Variants in SPATA6L observed in about 807,000 individuals in gnomAD.
SPATA6L encodes spermatogenesis associated 6-like protein.
A neutral mutation model predicts 49.2 loss-of-function variants in SPATA6L; 68 were observed. That is an observed-to-expected ratio of 1.38 (90% CI 1.14 to 1.69). SPATA6L has a LOEUF of 1.69. Among genes scored for constraint, SPATA6L ranks in the 40% most tolerant of loss-of-function variants. The pLI is 0.00. For synonymous variants in SPATA6L, 198 were observed against 165.7 expected (o/e 1.19, Z -1.50); for missense variants, 668 against 464.3 (o/e 1.44, Z -4.03).
At chr9:4,628,844 A>T (rs902256480) in intron 5 of SPATA6L, 1 of 385,690 alleles carries the variant, frequency 2.6e-6, no homozygotes, top group Non-Finnish European at 4.6e-6. Context: ...CAAATTTGTA[A>T]TTTTAGCTTC....
chr9:4,643,687 A>G (rs922337118), intron 3 of SPATA6L, among the ~76,000 whole-genome samples: 2 of 152,210 alleles, frequency 1.3e-5, no homozygotes, highest in Admixed American at 6.5e-5. Flanking sequence ...TATGTAAATT[A>G]ATAAAATTCT....
At chr9:4,624,592 G>A (rs983655283) in intron 6 of SPATA6L, among the ~76,000 whole-genome samples, 1 of 152,098 alleles carries the variant, frequency 6.6e-6, no homozygotes, top group African/African-American at 2.4e-5. Context: ...GACGGGTGTG[G>A]TGGTGGGCAC....
chr9:4,606,426 T>C (rs1825085235), intron 9 of SPATA6L, among the ~76,000 whole-genome samples: 2 of 73,318 alleles, frequency 2.7e-5, no homozygotes, highest in Non-Finnish European at 2.8e-5. Flanking sequence ...GAGCAGTGGT[T>C]CTCCCAGTAC....
intron 2 of SPATA6L, 21 bp downstream of exon 2, chr9:4,661,878 C>T (rs1230507054): frequency 6.2e-7 from 1 of 1,612,058 alleles, no homozygotes; most frequent in Non-Finnish European, 8.5e-7. Context: ...CAACAAAAGC[C>T]AATGAGAAAG....
intron 2 of SPATA6L, among the ~76,000 whole-genome samples, chr9:4,658,905 T>C (rs1207445824): frequency 1.3e-5 from 2 of 149,012 alleles, no homozygotes; most frequent in Admixed American, 6.7e-5. Context: ...CCCCAAGGTC[T>C]TGCCACTGCA....
intron 3 of SPATA6L, among the ~76,000 whole-genome samples, chr9:4,652,418 T>C (rs1344674068): frequency 1.3e-5 from 2 of 151,974 alleles, no homozygotes; most frequent in African/African-American, 4.8e-5. Flanking sequence ...ACAAAATCAA[T>C]TGGATCTCTA....
chr9:4,604,181 T>TA lies in SPATA6L; in HGVS notation c.1177dup (p.Ter393LeufsTer5). ...TGCTTACTTACATAAGACAGTACCT[T>TA]AAAAATATCTCTGTTCATGCAGTGA... On this transcript the variant is annotated frameshift_variant and stop_lost, in exon 11 of 12. Transcript: ENST00000682582. LOFTEE classifies it high-confidence loss of function. 1 of 1,606,388 alleles carries TA rather than the reference T, an allele frequency of 6.2e-7. No homozygotes were observed. Among genetic ancestry groups the TA allele is most frequent in the Non-Finnish European group, 8.5e-7 (1 of 1,175,036 alleles).
chr9:4,662,187 C>G lies in SPATA6L; in HGVS notation c.40-151G>C. 6.9e-7 allele frequency: 1 copy of G among 1,440,190 alleles called. No homozygotes were observed. Among genetic ancestry groups the G allele is most frequent in the Non-Finnish European group, 9.1e-7 (1 of 1,100,686 alleles). The allele number at this position is 1,440,190 out of a possible 1,614,324, so 89.2% of individuals were successfully genotyped here. The stretch of plus-strand genomic sequence containing the variant: ...ACCTGTACCTCCCAACGCCAACATC[C>G]TCCCCTCTGCTCTCCTCACATTGGA... On this transcript the variant is annotated intron_variant, in intron 1 of 11. Coordinates refer to ENST00000682582, the MANE Select transcript of SPATA6L (RefSeq NM_001353486.2). This position sits in a 1 kb window ranked among gnomAD's most constrained non-coding sequence, Gnocchi z 4.9.
At chr9:4,628,806 T>A in intron 5 of SPATA6L, 1 of 293,590 alleles carries the variant, frequency 3.4e-6, no homozygotes, top group South Asian at 5.3e-5. Context: ...AGAACAACAA[T>A]AACAAAAGCT....
At chr9:4,605,250 G>A in intron 10 of SPATA6L, 97 bp downstream of exon 10, 3 of 897,280 alleles carry the variant, frequency 3.3e-6, no homozygotes, top group Non-Finnish European at 5.4e-6. Flanking sequence ...TTATTTCTGT[G>A]GTTATTTGAT....
chr9:4,665,431 G>A (rs1054152832), intron 1 of SPATA6L, among the ~76,000 whole-genome samples: 3 of 152,178 alleles, frequency 2.0e-5, no homozygotes. Flanking sequence ...GACAAATCCA[G>A]GAAATGTTGA....
chr9:4,625,142 C>T (rs1231220667), intron 6 of SPATA6L, 185 bp downstream of exon 6: 44 of 1,131,552 alleles, frequency 3.9e-5, no homozygotes, highest in Non-Finnish European at 5.0e-5. Context: ...TATAAGGTAC[C>T]TTTCTAGGGG....
At position 4,625,158 on chromosome 9, in the gene SPATA6L, T is replaced by C. The variant is rs200215195; in HGVS notation, c.669+169A>G. On this transcript the variant is annotated intron_variant, in intron 6 of 11. Transcript: ENST00000682582. ...ATAAGGTACCTTTCTAGGGGTTTCCTGACAACGATCTAGGAAATGAACATA... is the reference window on the plus strand; with the variant it reads ...ATAAGGTACCTTTCTAGGGGTTTCCCGACAACGATCTAGGAAATGAACATA... 28 of 1,289,748 alleles carry C rather than the reference T, an allele frequency of 2.2e-5. 1 individual carries two copies. The highest frequency in any genetic ancestry group is 1.3e-4 in the East Asian group (5 of 37,258). The allele number at this position is 1,289,748 out of a possible 1,614,324, so 79.9% of individuals were successfully genotyped here. A position where few individuals can be genotyped will look rare whatever the true frequency, so the allele number is the denominator to read the frequency against.
At chr9:4,661,190 G>C (rs971927799) in intron 2 of SPATA6L, among the ~76,000 whole-genome samples, 5 of 152,146 alleles carry the variant, frequency 3.3e-5, no homozygotes, top group Admixed American at 3.3e-4. Flanking sequence ...CTTCTCCCCA[G>C]ATCTCCCTCA....
chr9:4,612,652 G>A (rs773637377), intron 9 of SPATA6L, among the ~76,000 whole-genome samples: 7 of 152,070 alleles, frequency 4.6e-5, no homozygotes, highest in Non-Finnish European at 7.4e-5. Context: ...GGTTAATGGC[G>A]GTCTTTACTC....
chr9:4,646,623 A>G (rs1464918633), intron 3 of SPATA6L: 1 of 531,408 alleles, frequency 1.9e-6, no homozygotes, highest in East Asian at 3.4e-5. Context: ...CCCACTTAAT[A>G]GTAATAATAA....
At position 4,660,888 on chromosome 9, in the gene SPATA6L, G is replaced by C. The variant is rs1487527938; in HGVS notation, c.177+1011C>G. Among the ~76,000 whole-genome samples, 4 of 152,268 alleles carry C rather than the reference G, an allele frequency of 2.6e-5. No individual in the cohort carries two copies. The South Asian group carries it at 8.3e-4, about 32-fold the overall frequency. ...GAGTTCGTGTCCTTTGTAGGGACAT[G>C]GATGAAGCTGGAAACCATCATTCTC... On this transcript the variant is annotated intron_variant, in intron 2 of 11. Coordinates refer to ENST00000682582, the MANE Select transcript of SPATA6L (RefSeq NM_001353486.2).
rs750842996 is a variant in SPATA6L at position 4,635,314 on chromosome 9, C to T, written c.312G>A (p.Arg104=). Residue 104 remains arginine, a synonymous_variant, in exon 4 of 12, where the codon AGG becomes AGA. Transcript: ENST00000682582. ...CCGTCTTCATGAGCACCTCCCTACA[C>T]CTCCTAGGGTGCGAAGGTGTCAGCT... ...EPKLTPSHPR[R]CREVLMKTAL... 1.3e-6 allele frequency: 2 copies of T among 1,584,352 alleles called. No individual in the cohort carries two copies. The highest frequency in any genetic ancestry group is 2.4e-5 in the East Asian group (1 of 41,678).
intron 4 of SPATA6L, 44 bp downstream of exon 4, chr9:4,635,231 A>T (rs202004174): frequency 1.2e-5 from 17 of 1,468,932 alleles, no homozygotes; most frequent in Non-Finnish European, 1.5e-5. Context: ...AGGTCCCAAG[A>T]GTTTCTCTCC....
Sources: allele counts gnomAD v4.1 joint callset (sites outside exome capture counted in the v4.1 genomes callset), GRCh38; gene constraint gnomAD v4.1.1; non-coding constraint Gnocchi (gnomAD v3.1); transcripts MANE v1.5; gene names NCBI Gene and HGNC (gene_info 2026-07-23, HGNC 2026-07-21).